The following DGKB variants were observed in gnomAD, a reference collection of about 807,000 sequenced individuals.
DGKB encodes 90 kDa diacylglycerol kinase.
Under a neutral mutation model 114.3 loss-of-function variants are expected in DGKB, and 67 were observed. The ratio of observed to expected loss-of-function variants is 0.59; its 90% CI spans 0.48 to 0.72. The LOEUF (loss-of-function observed/expected upper bound fraction) is 0.72, where lower values mean the gene tolerates loss of function less well. Ranked by LOEUF, DGKB falls within the 30% of genes least tolerant of loss-of-function variation. The probability of loss-of-function intolerance (pLI) is 0.00; values close to 1 mark genes in which losing one functional copy is unlikely to be tolerated. For synonymous variants in DGKB, 398 were observed against 323.1 expected, an observed-to-expected ratio of 1.23 and a Z score of -2.49; for missense variants, 907 against 975.2, an observed-to-expected ratio of 0.93 and a Z score of 0.93.
At chr7:14,462,362 A>T (rs944610481) in intron 21 of DGKB, among the ~76,000 whole-genome samples, 2 of 152,108 alleles carry the variant, frequency 1.3e-5, no homozygotes, top group East Asian at 3.9e-4. Context: ...AAACCCCATC[A>T]TCTCAGCCCC....
intron 23 of DGKB, among the ~76,000 whole-genome samples, chr7:14,271,783 G>C (rs1045075377): frequency 6.6e-6 from 1 of 152,178 alleles, no homozygotes; most frequent in Non-Finnish European, 1.5e-5. Context: ...CAATAAATTG[G>C]TTTTACCAGT....
intron 13 of DGKB, among the ~76,000 whole-genome samples, chr7:14,665,800 T>C: frequency 6.6e-6 from 1 of 152,126 alleles, no homozygotes; most frequent in African/African-American, 2.4e-5. Flanking sequence ...ATCATAAAAA[T>C]TATATAAAAC....
intron 23 of DGKB, among the ~76,000 whole-genome samples, chr7:14,282,539 G>A (rs1261418265): frequency 6.6e-5 from 10 of 152,036 alleles, no homozygotes; most frequent in South Asian, 4.2e-4. Flanking sequence ...TGATACCAAA[G>A]CCGGGCAGAG....
intron 23 of DGKB, among the ~76,000 whole-genome samples, chr7:14,275,512 T>C (rs538615341): frequency 2.0e-5 from 3 of 152,314 alleles, no homozygotes; most frequent in African/African-American, 7.2e-5. Context: ...GAAAGCAACA[T>C]TTAACAAGCA....
intron 21 of DGKB, among the ~76,000 whole-genome samples, chr7:14,364,622 T>G (rs1583426954): frequency 6.6e-6 from 1 of 152,104 alleles, no homozygotes; most frequent in South Asian, 2.1e-4. Context: ...TCTAATATTC[T>G]ACTTTCCTTT....
At chr7:14,766,578 T>G (rs1269305259) in intron 2 of DGKB, among the ~76,000 whole-genome samples, 2 of 151,860 alleles carry the variant, frequency 1.3e-5, no homozygotes, top group African/African-American at 4.8e-5. Context: ...ATATTAGATA[T>G]CCAAGTGTAG....
chr7:14,561,611 G>C (rs1007578174), intron 20 of DGKB, among the ~76,000 whole-genome samples: 1 of 152,148 alleles, frequency 6.6e-6, no homozygotes, highest in African/African-American at 2.4e-5. Context: ...GTCTCAGATG[G>C]AGATGAGAAA....
At chr7:14,295,501 T>C (rs1429598313) in intron 23 of DGKB, among the ~76,000 whole-genome samples, 1 of 152,142 alleles carries the variant, frequency 6.6e-6, no homozygotes, top group Non-Finnish European at 1.5e-5. Context: ...TCCTTTGTAC[T>C]TTAAATCTTT....
At chr7:14,357,703 A>G in intron 21 of DGKB, among the ~76,000 whole-genome samples, 1 of 152,148 alleles carries the variant, frequency 6.6e-6, no homozygotes, top group East Asian at 1.9e-4. Context: ...GATGGTCTTT[A>G]TAATTTGACA....
chr7:14,224,462 C>T (rs996711175), intron 23 of DGKB, among the ~76,000 whole-genome samples: 4 of 151,878 alleles, frequency 2.6e-5, no homozygotes, highest in Admixed American at 1.3e-4. Context: ...AATTTGAAGG[C>T]TTTGTCTGTT....
intron 20 of DGKB, among the ~76,000 whole-genome samples, chr7:14,488,664 A>AG (rs1784165186): frequency 6.7e-6 from 1 of 149,822 alleles, no homozygotes; most frequent in African/African-American, 2.4e-5. Context: ...AAAAAAAAAA[A>AG]GTATATATAT....
At chr7:14,418,251 ATATAT>A (rs200909836) in intron 21 of DGKB, among the ~76,000 whole-genome samples, 5,898 of 130,746 alleles carry the variant, frequency 0.045, 175 homozygotes, top group African/African-American at 0.08. Flanking sequence ...ATATGTGTGT[ATATAT>A]TATATATGTA....
chr7:14,462,035 G>T (rs1013992781), intron 21 of DGKB, among the ~76,000 whole-genome samples: 6 of 152,058 alleles, frequency 3.9e-5, no homozygotes, highest in Admixed American at 2.0e-4. Context: ...TGCAGAAAAG[G>T]CCTTTGATAA....
chr7:14,198,498 G>T (rs1294866690), intron 23 of DGKB, among the ~76,000 whole-genome samples: 1 of 151,962 alleles, frequency 6.6e-6, no homozygotes, highest in East Asian at 1.9e-4. Flanking sequence ...AAACAAAGAG[G>T]TCTGGGAGAT....
chr7:14,791,292 T>G (rs1265371777), intron 2 of DGKB, among the ~76,000 whole-genome samples: 1 of 152,242 alleles, frequency 6.6e-6, no homozygotes, highest in East Asian at 1.9e-4. Context: ...GCAAACTTTC[T>G]AAACTCAGTA....
intron 17 of DGKB, among the ~76,000 whole-genome samples, chr7:14,600,571 G>A (rs539833928): frequency 3.3e-5 from 5 of 152,208 alleles, no homozygotes; most frequent in African/African-American, 1.2e-4. Context: ...CCCACCAGCT[G>A]TGGGCCTGTG....
At chr7:14,249,972 G>C (rs901835285) in intron 23 of DGKB, among the ~76,000 whole-genome samples, 1 of 150,722 alleles carries the variant, frequency 6.6e-6, no homozygotes, top group East Asian at 2.0e-4. Context: ...ATTTTATTTT[G>C]TTGAGAGAGT....
At chr7:14,301,541 AT>A (rs776046993) in intron 23 of DGKB, among the ~76,000 whole-genome samples, 1 of 152,162 alleles carries the variant, frequency 6.6e-6, no homozygotes, top group African/African-American at 2.4e-5. Flanking sequence ...GCAGTCAGTA[AT>A]CTTTTAAAAA....
intron 12 of DGKB, among the ~76,000 whole-genome samples, chr7:14,679,225 A>G (rs945587578): frequency 2.2e-5 from 3 of 137,024 alleles, no homozygotes; most frequent in African/African-American, 6.3e-5. Flanking sequence ...AAATGTATTT[A>G]TGTATTTCAT....
Sources: allele counts gnomAD v4.1 joint callset (sites outside exome capture counted in the v4.1 genomes callset), GRCh38; gene constraint gnomAD v4.1.1; transcripts MANE v1.5; gene names NCBI Gene and HGNC (gene_info 2026-07-23, HGNC 2026-07-21).